The following PIP4K2A variants were observed in gnomAD, a reference collection of about 807,000 sequenced individuals.
The protein encoded by PIP4K2A is phosphatidylinositol 5-phosphate 4-kinase type-2 alpha.
In PIP4K2A, 14 loss-of-function variants were observed where a neutral mutation model predicts 42.9. The ratio of observed to expected loss-of-function variants is 0.33; its 90% CI spans 0.22 to 0.51. The LOEUF is 0.51. PIP4K2A is among the 20% of genes least tolerant of loss of function. The probability of loss-of-function intolerance (pLI) is 0.97; values close to 1 mark genes in which losing one functional copy is unlikely to be tolerated. For missense variants in PIP4K2A, 434 were observed against 519.8 expected, an observed-to-expected ratio of 0.83 and a Z score of 1.61; for synonymous variants, 192 against 192.2, an observed-to-expected ratio of 1.00 and a Z score of 0.01.
At chr10:22,711,734 T>C (rs992134781) in intron 1 of PIP4K2A, among the ~76,000 whole-genome samples, 1 of 152,268 alleles carries the variant, frequency 6.6e-6, no homozygotes, top group African/African-American at 2.4e-5. Flanking sequence ...TATTCTCACA[T>C]TATACTATAA....
chr10:22,710,986 C>T (rs1347512468), intron 1 of PIP4K2A, among the ~76,000 whole-genome samples: 1 of 152,142 alleles, frequency 6.6e-6, no homozygotes, highest in Non-Finnish European at 1.5e-5. Flanking sequence ...ATTAAAATAT[C>T]ATCTTAAGAC....
At chr10:22,667,173 G>C (rs1839366944) in intron 1 of PIP4K2A, among the ~76,000 whole-genome samples, 1 of 152,180 alleles carries the variant, frequency 6.6e-6, no homozygotes, top group African/African-American at 2.4e-5. Context: ...GTGAAAGTGG[G>C]TACTAACGGT....
At chr10:22,587,241 A>C (rs114051489) in intron 4 of PIP4K2A, among the ~76,000 whole-genome samples, 1 of 149,766 alleles carries the variant, frequency 6.7e-6, no homozygotes. Context: ...AAAGGAAAAG[A>C]AAAAAAAAAG....
chr10:22,654,166 T>A (rs1206264936), intron 1 of PIP4K2A, among the ~76,000 whole-genome samples: 2 of 152,170 alleles, frequency 1.3e-5, no homozygotes, highest in Admixed American at 1.3e-4. Context: ...CAACTTAATT[T>A]TGAAAAACAC....
chr10:22,690,161 CATTT>C (rs1410025877), intron 1 of PIP4K2A, among the ~76,000 whole-genome samples: 1 of 146,366 alleles, frequency 6.8e-6, no homozygotes, highest in African/African-American at 2.6e-5. Flanking sequence ...TATATTAACT[CATTT>C]AAACCTCAAA....
At chr10:22,611,387 C>G (rs978370958) in intron 1 of PIP4K2A, among the ~76,000 whole-genome samples, 5 of 145,884 alleles carry the variant, frequency 3.4e-5, no homozygotes, top group Admixed American at 2.8e-4. Context: ...GGATCCATGT[C>G]TGTTAAACAA....
At chr10:22,589,258 A>G (rs1837460483) in intron 4 of PIP4K2A, among the ~76,000 whole-genome samples, 1 of 152,236 alleles carries the variant, frequency 6.6e-6, no homozygotes, top group African/African-American at 2.4e-5. Flanking sequence ...TATGATATCA[A>G]TTTCCAGAGG....
chr10:22,564,629 G>A (rs958124234), intron 6 of PIP4K2A, among the ~76,000 whole-genome samples: 1 of 152,190 alleles, frequency 6.6e-6, no homozygotes, highest in Non-Finnish European at 1.5e-5. Flanking sequence ...ATTCACTCAT[G>A]GCAGCATGGA....
chr10:22,537,430 T>G, intron 9 of PIP4K2A, 149 bp from the exon 10 acceptor site: 1 of 641,782 alleles, frequency 1.6e-6, no homozygotes. Context: ...AAAACATCAC[T>G]CAAAATATCT....
intron 1 of PIP4K2A, among the ~76,000 whole-genome samples, chr10:22,704,772 G>T (rs1371529637): frequency 1.3e-5 from 2 of 152,076 alleles, no homozygotes; most frequent in Non-Finnish European, 2.9e-5. Flanking sequence ...GGGCGGCCCC[G>T]GAATGGTGAG....
chr10:22,704,655 A>G (rs1454633248), intron 1 of PIP4K2A, among the ~76,000 whole-genome samples: 1 of 151,000 alleles, frequency 6.6e-6, no homozygotes, highest in Admixed American at 6.6e-5. Context: ...TCATCTGAAA[A>G]AAAAAAAAAA....
intron 1 of PIP4K2A, among the ~76,000 whole-genome samples, chr10:22,656,808 A>G (rs1293312813): frequency 1.3e-5 from 2 of 152,034 alleles, no homozygotes; most frequent in South Asian, 2.1e-4. Context: ...AAAAAAAAAA[A>G]AAAAGCAAAG....
intron 1 of PIP4K2A, among the ~76,000 whole-genome samples, chr10:22,618,796 TTA>T (rs2130734223): frequency 6.6e-6 from 1 of 152,330 alleles, no homozygotes; most frequent in Non-Finnish European, 1.5e-5. Context: ...ATTACCCACA[TTA>T]GGTGCAATAC....
chr10:22,665,228 GTA>G (rs957525646), intron 1 of PIP4K2A, among the ~76,000 whole-genome samples: 6 of 152,110 alleles, frequency 3.9e-5, no homozygotes, highest in African/African-American at 1.2e-4. Flanking sequence ...AGCTTGGTTG[GTA>G]TGTGTGATGA....
At chr10:22,575,822 C>A (rs1455408774) in intron 4 of PIP4K2A, among the ~76,000 whole-genome samples, 2 of 151,950 alleles carry the variant, frequency 1.3e-5, no homozygotes, top group Admixed American at 6.6e-5. Context: ...CCCGTAATCC[C>A]AGCTACTCGG....
chr10:22,610,979 C>CAGAT (rs146183918), intron 1 of PIP4K2A, among the ~76,000 whole-genome samples: 3,072 of 152,140 alleles, frequency 0.02, 85 homozygotes, highest in African/African-American at 0.067. Context: ...CTAAGATGAT[C>CAGAT]AGATATAGAA....
At position 22,583,745 on chromosome 10, in the gene PIP4K2A, C is replaced by G. The variant is rs77382084; in HGVS notation, c.492+7884G>C. Among the ~76,000 whole-genome samples the G allele has an allele frequency of 9.2e-3, 1,397 of 152,358 alleles. 24 individuals carry two copies. The highest frequency in any genetic ancestry group is 0.031 in the African/African-American group (1,306 of 41,592). ...AGATGAAGCTAAGAGTTCAGTAAGA[C>G]TCTCAGACACTAAGGAAAGCAAGTG... On this transcript the variant is annotated intron_variant, in intron 4 of 9. Coordinates refer to ENST00000376573, the MANE Select transcript of PIP4K2A (RefSeq NM_005028.5).
chr10:22,670,845 T>C (rs1839435704), intron 1 of PIP4K2A, among the ~76,000 whole-genome samples: 1 of 152,214 alleles, frequency 6.6e-6, no homozygotes, highest in South Asian at 2.1e-4. Context: ...CTAGCTTTTT[T>C]TAAAAAACGG....
At chr10:22,565,402 A>C (rs1836822461) in intron 6 of PIP4K2A, among the ~76,000 whole-genome samples, 2 of 152,176 alleles carry the variant, frequency 1.3e-5, no homozygotes, top group African/African-American at 4.8e-5. Flanking sequence ...ATACTTTTGT[A>C]ATTTCTTATG....
Sources: gnomAD v4.1 joint callset for allele counts (sites outside exome capture counted in the v4.1 genomes callset) on GRCh38, gnomAD v4.1.1 for gene constraint, MANE v1.5 for transcripts, NCBI Gene and HGNC (gene_info 2026-07-23, HGNC 2026-07-21) for gene names.